The following EIF1AX variants were observed in gnomAD, a reference collection of about 807,000 sequenced individuals.
The protein encoded by EIF1AX is eukaryotic translation initiation factor 1A, X-chromosomal.
In EIF1AX, 1 loss-of-function variant was observed where a neutral mutation model predicts 16.1. The observed-to-expected ratio is 0.06, with a 90% confidence interval of 0.02 to 0.30. The LOEUF (loss-of-function observed/expected upper bound fraction) is 0.30, where lower values mean the gene tolerates loss of function less well. Among genes scored for constraint, EIF1AX ranks in the 10% least tolerant of loss-of-function variants. The pLI, the probability that EIF1AX is intolerant of heterozygous loss-of-function variation, is 1.00. For missense variants in EIF1AX, 11 were observed against 109.1 expected, an observed-to-expected ratio of 0.10 and a Z score of 4.00; for synonymous variants, 32 against 37.3, an observed-to-expected ratio of 0.86 and a Z score of 0.51.
chrX:20,132,843 T>C (rs1051655348), intron 4 of EIF1AX, among the ~76,000 whole-genome samples: 11 of 112,287 alleles, frequency 9.8e-5, no homozygotes, highest in Non-Finnish European at 2.1e-4. Flanking sequence ...TGAGAAATAC[T>C]GCCTTAGAAT....
chrX:20,137,826 T>C (rs904056394), intron 2 of EIF1AX, among the ~76,000 whole-genome samples: 1 of 110,434 alleles, frequency 9.1e-6, no homozygotes, highest in Non-Finnish European at 1.9e-5. Context: ...ATGCTAATCA[T>C]AGAACTGCCA....
rs1173214032 is a variant in EIF1AX at position 20,125,820 on chromosome X, T to C, written c.*2486A>G. The C allele has an allele frequency of 6.3e-6, 1 of 157,755 alleles. No individual in the cohort carries two copies. The highest frequency in any genetic ancestry group is 3.0e-5 in the African/African-American group (1 of 32,916). 13.0% of individuals were successfully genotyped at this position (157,755 alleles called of 1,213,427 possible). A position where few individuals can be genotyped will look rare whatever the true frequency, so the allele number is the denominator to read the frequency against. On this transcript the variant is annotated 3_prime_UTR_variant, in exon 7 of 7. Coordinates refer to ENST00000379607, the MANE Select transcript of EIF1AX (RefSeq NM_001412.4). Reference sequence around the variant, plus strand: ...ACATTTATAGCCATGATTCCACAGATGTGGTGAGTAAACCAACAGCCATTC... The same window carrying C: ...ACATTTATAGCCATGATTCCACAGACGTGGTGAGTAAACCAACAGCCATTC...
rs1453008248 is a variant in EIF1AX, at chrX:20,124,780, C to T, written c.*3526G>A. On this transcript the variant is annotated 3_prime_UTR_variant, in exon 7 of 7. Transcript: ENST00000379607. ...AAAATATCTTCAAGCAAATGAGAGA[C>T]TTCATCTGTTAGTCTTATGCCAAAT... 1.4e-5 allele frequency: 2 copies of T among 143,604 alleles called. No homozygotes were observed. Among genetic ancestry groups the T allele is most frequent in the Non-Finnish European group, 2.8e-5 (2 of 72,137 alleles). The allele number at this position is 143,604 out of a possible 1,213,427, so 11.8% of individuals were successfully genotyped here.
intron 5 of EIF1AX, 128 bp downstream of exon 5, chrX:20,132,054 G>A (rs2148607386): frequency 2.5e-6 from 1 of 400,096 alleles, no homozygotes; most frequent in Non-Finnish European, 4.4e-6. Context: ...TGAAGCATAG[G>A]CAGGCATACT....
intron 5 of EIF1AX, among the ~76,000 whole-genome samples, chrX:20,131,805 G>A (rs764709642): frequency 2.9e-5 from 3 of 104,781 alleles, no homozygotes; most frequent in African/African-American, 3.5e-5. Context: ...CAATCCTCCC[G>A]TCTTGGCCTC....
rs1486436620 is a variant in EIF1AX, at chrX:20,125,962, T to C, written c.*2344A>G. 1 of 140,455 alleles carries C rather than the reference T, an allele frequency of 7.1e-6. No homozygotes were observed. Among genetic ancestry groups the C allele is most frequent in the African/African-American group, 3.2e-5 (1 of 31,023 alleles). The allele number at this position is 140,455 out of a possible 1,213,427, so 11.6% of individuals were successfully genotyped here. ...ACAAACAATGAAATCTTGGCTTTTT[T>C]TTTTTTTTACACAAATGTTTGGTTA... On this transcript the variant is annotated 3_prime_UTR_variant, in exon 7 of 7. Transcript: ENST00000379607.
In EIF1AX at chrX:20,128,060, A is replaced by C. The variant is rs1211745798; in HGVS notation, c.*246T>G. On this transcript the variant is annotated 3_prime_UTR_variant, in exon 7 of 7. Coordinates refer to ENST00000379607, the MANE Select transcript of EIF1AX (RefSeq NM_001412.4). ...ATGGTTTTTTTTTTTTTTTGTAATT[A>C]GTAGACATGGTCTTCTACCCATAAG... The C allele has an allele frequency of 2.4e-5, 6 of 247,262 alleles. No homozygotes were observed. The highest frequency in any genetic ancestry group is 4.3e-5 in the Non-Finnish European group (6 of 138,979). 20.4% of individuals were successfully genotyped at this position (247,262 alleles called of 1,213,427 possible).
At chrX:20,141,281 G>A (rs1471683839) in intron 1 of EIF1AX, among the ~76,000 whole-genome samples, 1 of 111,569 alleles carries the variant, frequency 9.0e-6, no homozygotes, top group Non-Finnish European at 1.9e-5. Context: ...AAGGCCAAAG[G>A]GGCCTATCTA....
chrX:20,134,450 T>C lies in EIF1AX; in HGVS notation c.205-443A>G, dbSNP rs780485341. On this transcript the variant is annotated intron_variant, in intron 3 of 6. Coordinates refer to ENST00000379607, the MANE Select transcript of EIF1AX (RefSeq NM_001412.4). ...AAAAAGAAAAGAAATTAAGAGATTT[T>C]AGTTTGGGCTGGCATTGTGGCTCAC... 2.0e-3 allele frequency among the ~76,000 whole-genome samples: 220 copies of C among 109,539 alleles called. 1 individual carries two copies. The highest frequency in any genetic ancestry group is 3.6e-3 in the Non-Finnish European group (188 of 52,511).
At chrX:20,140,037 T>C (rs2067029341) in intron 1 of EIF1AX, 2 of 112,690 alleles carry the variant, frequency 1.8e-5, no homozygotes, top group African/African-American at 6.5e-5. Flanking sequence ...CTCTGTTGAA[T>C]GAATGAGACT....
chrX:20,134,737 CA>C (rs1334570502), intron 3 of EIF1AX, among the ~76,000 whole-genome samples: 8 of 84,306 alleles, frequency 9.5e-5, no homozygotes, highest in African/African-American at 8.9e-5. Context: ...GACTCTGTCT[CA>C]AAAAAAAAAG....
chrX:20,130,648 ATTTACTCAAAGT>A (rs1162213119), intron 5 of EIF1AX, 41 bp from the exon 6 acceptor site: 1 of 1,110,604 alleles, frequency 9.0e-7, no homozygotes, highest in Non-Finnish European at 1.2e-6. Context: ...CAGCACTGTA[ATTTACTCAAAGT>A]TTCATCATAA....
Position 20,125,453 on chromosome X carries a change from C to T in EIF1AX, c.*2853G>A, listed in dbSNP as rs1305811764. 1 of 170,009 alleles carries T rather than the reference C, an allele frequency of 5.9e-6. No individual in the cohort carries two copies. Among genetic ancestry groups the T allele is most frequent in the Non-Finnish European group, 1.1e-5 (1 of 88,829 alleles). 14.0% of individuals were successfully genotyped at this position (170,009 alleles called of 1,213,427 possible). ...GGGAGTCCAAAGAGTATAAATAAAACTTACCCTTACGAAGTAGAATAAAGA... is the reference window on the plus strand; with the variant it reads ...GGGAGTCCAAAGAGTATAAATAAAATTTACCCTTACGAAGTAGAATAAAGA... On this transcript the variant is annotated 3_prime_UTR_variant, in exon 7 of 7. Transcript: ENST00000379607.
chrX:20,140,870 T>C (rs1056036580), intron 1 of EIF1AX, among the ~76,000 whole-genome samples: 4 of 110,225 alleles, frequency 3.6e-5, no homozygotes, highest in Non-Finnish European at 7.6e-5. Context: ...TTTTTTAAGA[T>C]TAGGCCTTCC....
intron 6 of EIF1AX, among the ~76,000 whole-genome samples, chrX:20,130,218 G>A (rs1033616828): frequency 3.1e-5 from 3 of 98,178 alleles, no homozygotes; most frequent in Admixed American, 2.4e-4. Context: ...CAGGAGAATC[G>A]CTTGAACCCA....
At chrX:20,137,272 C>T (rs2067020084) in intron 2 of EIF1AX, among the ~76,000 whole-genome samples, 2 of 110,225 alleles carry the variant, frequency 1.8e-5, no homozygotes, top group South Asian at 3.9e-4. Context: ...AGTGAAACCC[C>T]GTCTCTACTA....
At chrX:20,137,192 C>T (rs971694489) in intron 2 of EIF1AX, among the ~76,000 whole-genome samples, 1 of 111,830 alleles carries the variant, frequency 8.9e-6, no homozygotes, top group Non-Finnish European at 1.9e-5. Context: ...CGCCTGTAAT[C>T]CCAGCACTTT....
In EIF1AX at chrX:20,126,688, A is replaced by C. The variant is rs1374368330; in HGVS notation, c.*1618T>G. 12 of 133,611 alleles carry C rather than the reference A, an allele frequency of 9.0e-5. No individual in the cohort carries two copies. Among genetic ancestry groups the C allele is most frequent in the African/African-American group, 3.9e-4 (12 of 30,592 alleles). The allele number at this position is 133,611 out of a possible 1,213,427, so 11.0% of individuals were successfully genotyped here. A position where few individuals can be genotyped will look rare whatever the true frequency, so the allele number is the denominator to read the frequency against. ...AATGAAGAGAATTGTTAATTCTTCA[A>C]GGCTGGTTTCTTATGAGGATTAAAA... is the stretch of plus-strand genomic sequence containing the variant. On this transcript the variant is annotated 3_prime_UTR_variant, in exon 7 of 7. Transcript: ENST00000379607.
Position 20,125,079 on chromosome X carries a change from T to C in EIF1AX, c.*3227A>G, listed in dbSNP as rs184481752. ...GGTACTGTTTTCATCATCCCCATCTTAGAGGTGAAGAACCTGAAGCTGAGA... is the reference window on the plus strand; with the variant it reads ...GGTACTGTTTTCATCATCCCCATCTCAGAGGTGAAGAACCTGAAGCTGAGA... On this transcript the variant is annotated 3_prime_UTR_variant, in exon 7 of 7. Transcript: ENST00000379607. The C allele has an allele frequency of 1.4e-5, 2 of 144,360 alleles. No homozygotes were observed. Among genetic ancestry groups the C allele is most frequent in the Non-Finnish European group, 2.7e-5 (2 of 72,783 alleles). 11.9% of individuals were successfully genotyped at this position (144,360 alleles called of 1,213,427 possible). A position where few individuals can be genotyped will look rare whatever the true frequency, so the allele number is the denominator to read the frequency against.
Sources: allele counts gnomAD v4.1 joint callset (sites outside exome capture counted in the v4.1 genomes callset), GRCh38; gene constraint gnomAD v4.1.1; transcripts MANE v1.5; gene names NCBI Gene and HGNC (gene_info 2026-07-23, HGNC 2026-07-21).